The following KLRG1 variants were observed in gnomAD, a reference collection of about 807,000 sequenced individuals.
The protein encoded by KLRG1 is killer cell lectin-like receptor subfamily G member 1.
Under a neutral mutation model 21.8 loss-of-function variants are expected in KLRG1, and 16 were observed. The observed-to-expected ratio is 0.73, with a 90% CI of 0.50 to 1.11. The LOEUF (loss-of-function observed/expected upper bound fraction) is 1.11, where lower values mean the gene tolerates loss of function less well. Ranked by LOEUF, KLRG1 falls within the 50% of genes most tolerant of loss-of-function variation. The probability of loss-of-function intolerance (pLI) is 0.00; values close to 1 mark genes in which losing one functional copy is unlikely to be tolerated. For missense variants in KLRG1, 173 were observed against 218.3 expected (o/e 0.79, Z 1.31); for synonymous variants, 69 against 75.9 (o/e 0.91, Z 0.47).
the KLRG1 span, chr12:9,163,736 C>G: frequency 6.2e-7 from 1 of 1,613,858 alleles, no homozygotes; most frequent in Non-Finnish European, 8.5e-7. Context: ...ACCTCATTTC[C>G]ACAGAGTTCT....
upstream of KLRG1, among the ~76,000 whole-genome samples, chr12:8,986,691 T>G (rs994886657): frequency 7.9e-5 from 12 of 152,146 alleles, no homozygotes; most frequent in African/African-American, 2.9e-4. Flanking sequence ...AAAGAGCCCC[T>G]GATTCCTATG....
the KLRG1 span, chr12:9,166,324 G>C: frequency 1.1e-6 from 1 of 882,188 alleles, no homozygotes; most frequent in African/African-American, 1.7e-5. Context: ...AAGTCTTGTA[G>C]AAGTTGTAGA....
At chr12:9,197,632 A>G in the KLRG1 span, among the ~76,000 whole-genome samples, 1 of 71,410 alleles carries the variant, frequency 1.4e-5, no homozygotes, top group South Asian at 4.2e-4. Flanking sequence ...ATATTATATT[A>G]TATATTATAT....
intron 1 of KLRG1, among the ~76,000 whole-genome samples, chr12:8,961,223 C>T (rs1946376156): frequency 6.6e-6 from 1 of 152,140 alleles, no homozygotes; most frequent in African/African-American, 2.4e-5. Flanking sequence ...TAGTAATGTC[C>T]TTTGCCTTTG....
chr12:8,965,756 T>C (rs1408553992), intron 1 of KLRG1, among the ~76,000 whole-genome samples: 1 of 152,186 alleles, frequency 6.6e-6, no homozygotes, highest in East Asian at 1.9e-4. Flanking sequence ...AAAATGGCCA[T>C]ACTGCCCAAG....
the KLRG1 span, chr12:9,155,995 G>A: frequency 7.7e-5 from 13 of 168,446 alleles, no homozygotes; most frequent in Admixed American, 6.5e-4. Flanking sequence ...TAAAGAACTG[G>A]TAGTTTTTAT....
At chr12:9,127,504 C>G in the KLRG1 span, among the ~76,000 whole-genome samples, 7 of 152,160 alleles carry the variant, frequency 4.6e-5, no homozygotes, top group Non-Finnish European at 1.0e-4. Flanking sequence ...CTCCTTGAAC[C>G]GTTCTCTGCC....
chr12:9,095,919 C>T, the KLRG1 span, among the ~76,000 whole-genome samples: 6 of 151,012 alleles, frequency 4.0e-5, no homozygotes, highest in Admixed American at 2.6e-4. Context: ...GCCACCGCGC[C>T]CGGCTAATTT....
chr12:9,090,789 C>T, the KLRG1 span, among the ~76,000 whole-genome samples: 2 of 152,090 alleles, frequency 1.3e-5, no homozygotes, highest in Non-Finnish European at 2.9e-5. Context: ...CCCGGATCTC[C>T]CGGCAGAGGA....
chr12:9,126,077 T>C, the KLRG1 span, among the ~76,000 whole-genome samples: 264 of 152,320 alleles, frequency 1.7e-3, 2 homozygotes, highest in African/African-American at 6.1e-3. Flanking sequence ...CTCAAATTTA[T>C]AATTACAATA....
the KLRG1 span, among the ~76,000 whole-genome samples, chr12:9,163,452 CAA>C: frequency 1.8e-4 from 25 of 136,412 alleles, no homozygotes; most frequent in Middle Eastern, 3.8e-3. Flanking sequence ...AACTCCGTCT[CAA>C]AAAAAAAAAA....
the KLRG1 span, among the ~76,000 whole-genome samples, chr12:9,021,326 A>G: frequency 6.6e-6 from 1 of 152,176 alleles, no homozygotes; most frequent in African/African-American, 2.4e-5. Context: ...TAAATGAAAT[A>G]ATGAAATAAC....
At chr12:9,135,634 T>G in the KLRG1 span, 1 of 224,314 alleles carries the variant, frequency 4.5e-6, no homozygotes, top group South Asian at 7.0e-5. Flanking sequence ...AAATTTGATT[T>G]TGGCTTTGGG....
chr12:8,977,460 C>T (rs910211277), intron 1 of KLRG1, among the ~76,000 whole-genome samples: 6 of 151,606 alleles, frequency 4.0e-5, no homozygotes, highest in Middle Eastern at 3.4e-3. Context: ...GTGATCTGCC[C>T]GCCTTGGCCT....
chr12:9,032,016 C>T, the KLRG1 span, among the ~76,000 whole-genome samples: 4 of 152,282 alleles, frequency 2.6e-5, no homozygotes, highest in East Asian at 5.8e-4. Flanking sequence ...ATACTAATCT[C>T]TAGTGGAAAC....
chr12:8,971,795 T>G (rs528600313), intron 1 of KLRG1, among the ~76,000 whole-genome samples: 44 of 152,162 alleles, frequency 2.9e-4, no homozygotes, highest in Non-Finnish European at 5.0e-4. Flanking sequence ...AGGCTGAAGT[T>G]GGAGGATTGC....
the KLRG1 span, among the ~76,000 whole-genome samples, chr12:9,021,595 C>T: frequency 4.0e-5 from 6 of 151,768 alleles, no homozygotes; most frequent in African/African-American, 1.5e-4. Context: ...TTTTGTGATA[C>T]ACTTAGCTTA....
chr12:9,018,359 T>G, the KLRG1 span, among the ~76,000 whole-genome samples: 18 of 152,232 alleles, frequency 1.2e-4, no homozygotes, highest in African/African-American at 4.3e-4. Flanking sequence ...GGAATCATAT[T>G]ACCTGATTTC....
the KLRG1 span, among the ~76,000 whole-genome samples, chr12:9,070,009 T>C: frequency 6.6e-6 from 1 of 152,356 alleles, no homozygotes. Flanking sequence ...ACACGACTAA[T>C]GTGTAAAGTT....
Sources: allele counts gnomAD v4.1 joint callset (sites outside exome capture counted in the v4.1 genomes callset), GRCh38; gene constraint gnomAD v4.1.1; transcripts MANE v1.5; gene names NCBI Gene and HGNC (gene_info 2026-07-23, HGNC 2026-07-21).